The following HDAC4 variants were observed in gnomAD, a reference collection of about 807,000 sequenced individuals.
HDAC4 encodes the protein histone deacetylase A.
A neutral mutation model predicts 135.1 loss-of-function variants in HDAC4; 16 were observed. The observed-to-expected ratio is 0.12, with a 90% confidence interval of 0.08 to 0.18. The LOEUF (loss-of-function observed/expected upper bound fraction) is 0.18, where lower values mean the gene tolerates loss of function less well. Ranked by LOEUF, HDAC4 falls within the 10% of genes least tolerant of loss-of-function variation. HDAC4 has a pLI of 1.00. For missense variants in HDAC4, 1,143 were observed against 1,511.8 expected (o/e 0.76, Z 4.05); for synonymous variants, 685 against 653.4 (o/e 1.05, Z -0.74).
At chr2:239,395,205 G>C (rs1304339919) in intron 1 of HDAC4, among the ~76,000 whole-genome samples, 3 of 152,232 alleles carry the variant, frequency 2.0e-5, no homozygotes, top group African/African-American at 4.8e-5. Flanking sequence ...AGTGCTATCA[G>C]ATGAGGCTGG....
intron 16 of HDAC4, among the ~76,000 whole-genome samples, chr2:239,098,164 G>A (rs2037287429): frequency 6.6e-6 from 1 of 152,232 alleles, no homozygotes; most frequent in African/African-American, 2.4e-5. Context: ...CCAAATGCAT[G>A]CGTATAGGAA....
chr2:239,169,050 G>T (rs1559547459), intron 5 of HDAC4, among the ~76,000 whole-genome samples: 2 of 152,170 alleles, frequency 1.3e-5, no homozygotes, highest in African/African-American at 2.4e-5. Flanking sequence ...CATATTCTGT[G>T]AGCCTCAAGA....
intron 3 of HDAC4, among the ~76,000 whole-genome samples, chr2:239,204,916 G>A (rs1029318838): frequency 6.6e-6 from 1 of 152,148 alleles, no homozygotes; most frequent in African/African-American, 2.4e-5. Flanking sequence ...CCTGCTACCT[G>A]GGTCAAAGAG....
At chr2:239,275,988 C>T (rs2050337621) in intron 2 of HDAC4, among the ~76,000 whole-genome samples, 1 of 152,144 alleles carries the variant, frequency 6.6e-6, no homozygotes, top group Non-Finnish European at 1.5e-5. Flanking sequence ...GGTGGACAGG[C>T]TCCGCCCAAG....
intron 2 of HDAC4, among the ~76,000 whole-genome samples, chr2:239,269,395 T>G (rs1482972582): frequency 6.6e-6 from 1 of 152,160 alleles, no homozygotes; most frequent in Non-Finnish European, 1.5e-5. Flanking sequence ...TATTGTACAT[T>G]GTCTGTGTGC....
intron 14 of HDAC4, among the ~76,000 whole-genome samples, chr2:239,111,215 G>C (rs958180352): frequency 6.6e-6 from 1 of 152,268 alleles, no homozygotes; most frequent in African/African-American, 2.4e-5. Flanking sequence ...CGGACCAGAA[G>C]CTGTAGGTTC....
intron 1 of HDAC4, among the ~76,000 whole-genome samples, chr2:239,375,142 G>T (rs1694915582): frequency 1.3e-5 from 2 of 152,224 alleles, no homozygotes; most frequent in Non-Finnish European, 2.9e-5. Flanking sequence ...GAAGAACACT[G>T]ACATTGGGAA....
chr2:239,139,610 TG>T lies in HDAC4; in HGVS notation c.978+73del. The T allele has an allele frequency of 7.6e-7, 1 of 1,314,826 alleles. No homozygotes were observed. The highest frequency in any genetic ancestry group is 1.1e-6 in the Non-Finnish European group (1 of 907,460). 81.4% of individuals were successfully genotyped at this position (1,314,826 alleles called of 1,614,324 possible). On this transcript the variant is annotated intron_variant, in intron 9 of 26. Coordinates refer to ENST00000543185, the MANE Select transcript of HDAC4 (RefSeq NM_001378414.1). This position sits in a 1 kb window ranked among gnomAD's most constrained non-coding sequence, Gnocchi z 5.3. ...TGAAGAGTGAAGGGCAAGTGCAAAG[TG>T]GGGTCATTTCAAGCTCATCCGTCCC...
chr2:239,201,632 C>T (rs2045761478), intron 3 of HDAC4, among the ~76,000 whole-genome samples: 1 of 152,180 alleles, frequency 6.6e-6, no homozygotes, highest in Non-Finnish European at 1.5e-5. Flanking sequence ...GCCGAGACAA[C>T]AGCCCCAGAG....
At chr2:239,391,743 G>C (rs944238440) in intron 1 of HDAC4, among the ~76,000 whole-genome samples, 3 of 152,192 alleles carry the variant, frequency 2.0e-5, no homozygotes, top group Non-Finnish European at 4.4e-5. Flanking sequence ...GAGCAGGAGA[G>C]AGCACATCCA....
intron 19 of HDAC4, among the ~76,000 whole-genome samples, chr2:239,087,319 C>T (rs145962649): frequency 2.1e-3 from 318 of 152,384 alleles, no homozygotes; most frequent in African/African-American, 7.3e-3. Flanking sequence ...CTAACCTCCA[C>T]AGACCCTTTC....
chr2:239,265,896 C>A (rs574415926), intron 2 of HDAC4, among the ~76,000 whole-genome samples: 1 of 152,208 alleles, frequency 6.6e-6, no homozygotes, highest in Admixed American at 6.5e-5. Context: ...GGCAGTGCCC[C>A]GATCAGGCTG....
At position 239,139,595 on chromosome 2, in the gene HDAC4, A is replaced by C. The variant is rs1001238548; in HGVS notation, c.978+89T>G. ...CCCCAAATTGGAAGGTGAAGAGTGA[A>C]GGGCAAGTGCAAAGTGGGGTCATTT... On this transcript the variant is annotated intron_variant, in intron 9 of 26. Transcript: ENST00000543185. The surrounding 1 kb of genome is among the most constrained non-coding windows in gnomAD (Gnocchi z 5.3). 1.7e-6 allele frequency: 2 copies of C among 1,181,720 alleles called. No homozygotes were observed. The highest frequency in any genetic ancestry group is 1.9e-4 in the Middle Eastern group (1 of 5,242). The allele number at this position is 1,181,720 out of a possible 1,614,324, so 73.2% of individuals were successfully genotyped here.
At chr2:239,066,610 C>T (rs1367446215) in intron 24 of HDAC4, 112 bp downstream of exon 24, 27 of 1,413,514 alleles carry the variant, frequency 1.9e-5, no homozygotes, top group South Asian at 9.3e-5. Context: ...CAAGCATCCA[C>T]GTGGTCAGAG....
intron 1 of HDAC4, among the ~76,000 whole-genome samples, chr2:239,369,904 G>T (rs932115008): frequency 6.6e-6 from 1 of 152,252 alleles, no homozygotes; most frequent in Admixed American, 6.5e-5. Context: ...TGAAAGTGGC[G>T]TCATGCCCTG....
intron 2 of HDAC4, among the ~76,000 whole-genome samples, chr2:239,342,171 A>G (rs995400250): frequency 1.3e-5 from 2 of 152,120 alleles, no homozygotes; most frequent in Non-Finnish European, 2.9e-5. Flanking sequence ...CTAAACAACC[A>G]CATTATGGAA....
intron 1 of HDAC4, among the ~76,000 whole-genome samples, chr2:239,354,557 T>C (rs77014758): frequency 0.016 from 2,340 of 142,144 alleles, 38 homozygotes; most frequent in East Asian, 0.094. Flanking sequence ...TTAATTAGTC[T>C]AGAAATTTTT....
chr2:239,158,836 G>T (rs974281416), intron 6 of HDAC4, among the ~76,000 whole-genome samples: 1 of 152,088 alleles, frequency 6.6e-6, no homozygotes, highest in Non-Finnish European at 1.5e-5. Flanking sequence ...TGCCCTCCGC[G>T]AAGAAGCGTC....
In HDAC4 at chr2:239,179,034, G is replaced by C. The variant is rs543719871; in HGVS notation, c.340-2471C>G. Among the ~76,000 whole-genome samples the C allele has an allele frequency of 7.0e-4, 107 of 151,800 alleles. 1 individual carries two copies. Among genetic ancestry groups the C allele is most frequent in the African/African-American group, 2.4e-3 (99 of 41,376 alleles). ...GGGTGTGTGTGCGAGGCAGCCACCG[G>C]ACGCCTGAGGCATAGAGTGGGGTGT... On this transcript the variant is annotated intron_variant, in intron 4 of 26. Transcript: ENST00000543185.
Sources: allele counts gnomAD v4.1 joint callset (sites outside exome capture counted in the v4.1 genomes callset), GRCh38; gene constraint gnomAD v4.1.1; non-coding constraint Gnocchi (gnomAD v3.1); transcripts MANE v1.5; gene names NCBI Gene and HGNC (gene_info 2026-07-23, HGNC 2026-07-21).